TTN: variants seen among roughly 807,000 people sequenced by gnomAD.
TTN encodes connectin.
In TTN, 1,525 loss-of-function variants were observed where a neutral mutation model predicts 3,223.0. The ratio of observed to expected loss-of-function variants is 0.47; its 90% CI spans 0.45 to 0.49. TTN has a LOEUF of 0.49. Among genes scored for constraint, TTN ranks in the 20% least tolerant of loss-of-function variants. The pLI is 0.00. For missense variants in TTN, 40,786 were observed against 43,424.0 expected (o/e 0.94, Z 5.40); for synonymous variants, 14,094 against 15,161.0 (o/e 0.93, Z 5.17).
chr2:178,617,724 A>T, intron 253 of TTN, 55 bp downstream of exon 253: 1 of 1,564,880 alleles, frequency 6.4e-7, no homozygotes, highest in Non-Finnish European at 8.7e-7. Flanking sequence ...TTTAATTGAT[A>T]GGCCTAATAT....
rs779278099 is a variant in TTN at position 178,731,671 on chromosome 2, C to A, written c.17182+22G>T. On this transcript the variant is annotated intron_variant, in intron 58 of 362. Coordinates refer to ENST00000589042, the MANE Select transcript of TTN (RefSeq NM_001267550.2). The stretch of plus-strand genomic sequence containing the variant: ...AATTGACTCTTCAGAAAAGCCAGTC[C>A]CTCACTGGAACCAACACTAACCTCT... The A allele has an allele frequency of 4.4e-6, 7 of 1,590,994 alleles. No individual in the cohort carries two copies. In the African/African-American group the frequency reaches 8.1e-5, roughly 18 times the overall value.
At chr2:178,751,377 C>A in intron 47 of TTN, 1 of 1,606,056 alleles carries the variant, frequency 6.2e-7, no homozygotes, top group Non-Finnish European at 8.5e-7. Flanking sequence ...TCTAAATATT[C>A]TTCATCATAC....
rs2053252489 is a variant in TTN, at chr2:178,600,942, T to A, written c.55962A>T (p.Glu18654Asp). ...FTVEDLVEGG[E>D]YEFRVKAVNA... Reference sequence around the variant, plus strand: ...TGACAGCTTTGACTCGGAATTCATATTCCCCACCCTCTACTAGGTCTTCAA... The same window carrying A: ...TGACAGCTTTGACTCGGAATTCATAATCCCCACCCTCTACTAGGTCTTCAA... The change falls in exon 288 of 363, where the codon GAA (glutamate) becomes GAT (aspartate). Residue 18654 changes from glutamate (E) to aspartate (D), a missense_variant. Glu to Asp is a conservative substitution (Grantham distance 45). Transcript: ENST00000589042. 1 of 1,612,870 alleles carries A rather than the reference T, an allele frequency of 6.2e-7. No homozygotes were observed. Among genetic ancestry groups the A allele is most frequent in the African/African-American group, 1.3e-5 (1 of 74,850 alleles).
chr2:178,557,863 T>C lies in TTN; in HGVS notation c.87491A>G (p.Tyr29164Cys), dbSNP rs1318040081. ...GTTGGTAACTTGACTTCCACCGTCA[T>C]ACTTAGGTGGCTCCCATTTGAGAGT... ...SVTLKWEPPK[Y>C]DGGSQVTNYI... Residue 29164 changes from tyrosine to cysteine, a missense_variant, in exon 328 of 363, where the codon TAT becomes TGT. Transcript: ENST00000589042. 6.2e-7 allele frequency: 1 copy of C among 1,613,946 alleles called. No individual in the cohort carries two copies. The highest frequency in any genetic ancestry group is 1.1e-5 in the South Asian group (1 of 91,086).
chr2:178,718,428 G>A lies in TTN; in HGVS notation c.24678C>T (p.Thr8226=). The change falls in exon 85 of 363, where the codon ACC becomes ACT. Residue 8226 remains threonine, a synonymous_variant. Coordinates refer to ENST00000589042, the MANE Select transcript of TTN (RefSeq NM_001267550.2). ...TTGTGCTCTCAAGAATTTCCAGTAT[G>A]GTAGATTTTTCTGTCATAGTAATAC... ...RCSITMTEKS[T]ILEILESTIE... 1 of 1,613,678 alleles carries A rather than the reference G, an allele frequency of 6.2e-7. No homozygotes were observed.
Position 178,562,520 on chromosome 2 carries a change from G to A in TTN, c.83612C>T (p.Thr27871Ile), listed in dbSNP as rs746421338. ...TGTATTACGGGTCACATCAACAAGA[G>A]TTACTCTTCCAGGTGGGAGGGGTGG... ...SEPPLPPGRV[T>I]LVDVTRNTAT... The change falls in exon 326 of 363, where the codon ACT (threonine) becomes ATT (isoleucine). Residue 27871 changes from threonine to isoleucine, a missense_variant. By Grantham distance (89) the Thr-to-Ile change is moderately conservative (BLOSUM62 -1). Transcript: ENST00000589042. 9 of 1,611,350 alleles carry A rather than the reference G, an allele frequency of 5.6e-6. No homozygotes were observed. Among genetic ancestry groups the A allele is most frequent in the Middle Eastern group, 3.3e-4 (2 of 6,040 alleles).
rs748111134 is a variant in TTN, at chr2:178,720,256, G to A, written c.23386C>T (p.Arg7796Ter). The A allele has an allele frequency of 3.7e-6, 6 of 1,608,164 alleles. No individual in the cohort carries two copies. Among genetic ancestry groups the A allele is most frequent in the African/African-American group, 2.7e-5 (2 of 74,714 alleles). The change falls in exon 81 of 363, where the codon CGA becomes TGA. Residue 7796 changes from arginine to a stop codon, truncating the protein, a stop_gained. Transcript: ENST00000589042. LOFTEE classifies it high-confidence loss of function. ...GTGTCACTTAGCTTTTTCACGAATC[G>A]TGGAGGTTCTGATGAAAGAAATTTG... Reference protein sequence around the residue: ...SCSVKFKEPPRFVKKLSDTST... With the variant: ...SCSVKFKEPP
At chr2:178,695,777 CT>C (rs2073591110) in intron 114 of TTN, 87 bp downstream of exon 114, 1 of 1,070,372 alleles carries the variant, frequency 9.3e-7, no homozygotes, top group African/African-American at 1.6e-5. Flanking sequence ...TTCACATAAA[CT>C]GCAAATCAGG....
rs1238712193 is a variant in TTN, at chr2:178,704,949, C to G, written c.29622G>C (p.Glu9874Asp). 1 of 1,612,580 alleles carries G rather than the reference C, an allele frequency of 6.2e-7. No individual in the cohort carries two copies. The highest frequency in any genetic ancestry group is 1.1e-5 in the South Asian group (1 of 90,906). The change falls in exon 104 of 363, where the codon GAG (glutamate) becomes GAC (aspartate). Residue 9874 changes from glutamate to aspartate, a missense_variant. Physicochemically the swap from Glu to Asp is conservative, Grantham distance 45 (BLOSUM62 2). Coordinates refer to ENST00000589042, the MANE Select transcript of TTN (RefSeq NM_001267550.2). The stretch of plus-strand genomic sequence containing the variant: ...ATTCCTTTTCGTCCCTCTCTGACCT[C>G]TCTATTTCCTCAATTTCCTGAGAAG... ...ETHRLEIEEI[E>D]RSERDEKEFE...
rs1308553972 is a variant in TTN at position 178,636,001 on chromosome 2, G to A, written c.41570C>T (p.Ala13857Val). 1 of 1,610,044 alleles carries A rather than the reference G, an allele frequency of 6.2e-7. No individual in the cohort carries two copies. Among genetic ancestry groups the A allele is most frequent in the Admixed American group, 1.7e-5 (1 of 59,818 alleles). Reference protein sequence around the residue: ...AGTYTVTVENANNLECSSCVK... With the variant: ...AGTYTVTVENVNNLECSSCVK... ...GCAAGATGAACACTCCAGGTTGTTG[G>A]CGTTTTCCACAGTAACTGTGTATGT... The change falls in exon 226 of 363, where the codon GCC (alanine) becomes GTC (valine). Residue 13857 changes from alanine to valine, a missense_variant. Coordinates refer to ENST00000589042, the MANE Select transcript of TTN (RefSeq NM_001267550.2). The surrounding 1 kb of genome is among the most constrained non-coding windows in gnomAD (Gnocchi z 4.3).
Position 178,542,382 on chromosome 2 carries a change from C to A in TTN, c.97374G>T (p.Thr32458=). 4 of 1,613,594 alleles carry A rather than the reference C, an allele frequency of 2.5e-6. No individual in the cohort carries two copies. The highest frequency in any genetic ancestry group is 2.5e-6 in the Non-Finnish European group (3 of 1,179,712). ...LPVSESVTRS[T]FKFTRLTEGN... is the part of the protein sequence containing the mutation. ...CTTCGGTGAGTCTGGTAAACTTAAA[C>A]GTGGACCTAGTCACTGATTCAGAAA... Residue 32458 remains threonine, a synonymous_variant, in exon 349 of 363, where the codon ACG becomes ACT. Transcript: ENST00000589042.
At chr2:178,709,941 T>A (rs2076416845) in intron 98 of TTN, 85 bp from the exon 99 acceptor site, 6 of 1,392,580 alleles carry the variant, frequency 4.3e-6, no homozygotes, top group Non-Finnish European at 5.8e-6. Context: ...AACCCTCATA[T>A]TTTTAGTTAA....
Position 178,560,571 on chromosome 2 carries a change from A to AT in TTN, c.85560dup (p.Tyr28521IlefsTer4). 1 of 1,613,290 alleles carries AT rather than the reference A, an allele frequency of 6.2e-7. No homozygotes were observed. On this transcript the variant is annotated frameshift_variant, in exon 326 of 363. Transcript: ENST00000589042. LOFTEE classifies it high-confidence loss of function. The stretch of plus-strand genomic sequence containing the variant: ...TTAACACCAGTTACTCTAAATATAT[A>AT]TTCATTGCCTTTGAGTAACTTGGTT...
chr2:178,780,181 G>C lies in TTN; in HGVS notation c.3548C>G (p.Ser1183Cys), dbSNP rs1230291895. Reference sequence around the variant, plus strand: ...TGTCTGATAAAGCATTTCTTGCTGGGACTTCATCAGTAACTCATAATCAGC... The same window carrying C: ...TGTCTGATAAAGCATTTCTTGCTGGCACTTCATCAGTAACTCATAATCAGC... ...EEADYELLMKSQQEMLYQTQV... is the reference protein window; with the variant it reads ...EEADYELLMKCQQEMLYQTQV... Residue 1183 changes from serine (S) to cysteine (C), a missense_variant, in exon 22 of 363, where the codon TCC becomes TGC. By Grantham distance (112) the Ser-to-Cys change is moderately radical. Coordinates refer to ENST00000589042, the MANE Select transcript of TTN (RefSeq NM_001267550.2). The C allele has an allele frequency of 6.2e-7, 1 of 1,613,780 alleles. No individual in the cohort carries two copies. Among genetic ancestry groups the C allele is most frequent in the Non-Finnish European group, 8.5e-7 (1 of 1,179,808 alleles).
chr2:178,745,787 C>T lies in TTN; in HGVS notation c.11312-3866G>A, dbSNP rs145932311. ...GTAAACCGTGGGTCTTGGAGAGCCA[C>T]GAACTAAGCACTGAAAATATGCTGC... On this transcript the variant is annotated intron_variant, in intron 47 of 362. Transcript: ENST00000589042. 218 of 1,613,166 alleles carry T rather than the reference C, an allele frequency of 1.4e-4. 1 individual carries two copies. Among genetic ancestry groups the T allele is most frequent in the African/African-American group, 1.3e-3 (99 of 74,966 alleles).
At chr2:178,783,681 A>G in intron 17 of TTN, 39 bp downstream of exon 17, 1 of 1,527,906 alleles carries the variant, frequency 6.5e-7, no homozygotes, top group Non-Finnish European at 9.1e-7. Flanking sequence ...ATTTGAGGAG[A>G]TATGAATAGG....
At chr2:178,744,196 A>G (rs1364757332) in intron 47 of TTN, among the ~76,000 whole-genome samples, 3 of 151,982 alleles carry the variant, frequency 2.0e-5, no homozygotes, top group African/African-American at 7.2e-5. Flanking sequence ...GCAGGTGACA[A>G]ATGTAGCCAT....
At position 178,635,351 on chromosome 2, in the gene TTN, C is replaced by T. The variant is rs199843874; in HGVS notation, c.41885-47G>A. 36 of 1,608,094 alleles carry T rather than the reference C, an allele frequency of 2.2e-5. No individual in the cohort carries two copies. In the East Asian group the frequency reaches 3.4e-4, roughly 15 times the overall value. Reference sequence around the variant, plus strand: ...TAACATAATGCTTTAGACAACCCAACGATGCTTTGCTTTTATGTGTTTTGG... The same window carrying T: ...TAACATAATGCTTTAGACAACCCAATGATGCTTTGCTTTTATGTGTTTTGG... On this transcript the variant is annotated intron_variant, in intron 227 of 362. Transcript: ENST00000589042.
chr2:178,689,254 A>G, intron 124 of TTN, 36 bp downstream of exon 124: 1 of 1,606,216 alleles, frequency 6.2e-7, no homozygotes, highest in Non-Finnish European at 8.5e-7. Flanking sequence ...TCACTGGAAC[A>G]TAAAGACAGT....
Sources: allele counts gnomAD v4.1 joint callset (sites outside exome capture counted in the v4.1 genomes callset), GRCh38; gene constraint gnomAD v4.1.1; non-coding constraint Gnocchi (gnomAD v3.1); transcripts MANE v1.5; gene names NCBI Gene and HGNC (gene_info 2026-07-23, HGNC 2026-07-21).